EGFLAM: variants seen among roughly 807,000 people sequenced by gnomAD.
EGFLAM encodes the protein pikachurin.
In EGFLAM, 79 loss-of-function variants were observed where a neutral mutation model predicts 113.1. The observed-to-expected ratio is 0.70, with a 90% CI of 0.58 to 0.84. The LOEUF (loss-of-function observed/expected upper bound fraction) is 0.84. EGFLAM is among the 40% of genes least tolerant of loss of function. The pLI, the probability that EGFLAM is intolerant of heterozygous loss-of-function variation, is 0.00. For synonymous variants in EGFLAM, 504 were observed against 487.6 expected, an observed-to-expected ratio of 1.03 and a Z score of -0.44; for missense variants, 1,265 against 1,291.6, an observed-to-expected ratio of 0.98 and a Z score of 0.32.
At chr5:38,346,497 C>T (rs369614173) in intron 3 of EGFLAM, 79 of 152,254 alleles carry the variant, frequency 5.2e-4, no homozygotes, top group African/African-American at 1.8e-3. Context: ...ACCTACCTCA[C>T]GGAACTGAAG....
In EGFLAM at chr5:38,435,293, A is replaced by G. The variant is rs776742677; in HGVS notation, c.2283+40A>G. On this transcript the variant is annotated intron_variant, in intron 16 of 21. Transcript: ENST00000322350. ...TCCTCATGTTTACTGGGCCACCCAG[A>G]CTGTAGACAAAGAAAGTGAGGATTA... 6.3e-6 allele frequency: 9 copies of G among 1,418,776 alleles called. 1 individual carries two copies. The highest frequency in any genetic ancestry group is 5.8e-5 in the South Asian group (5 of 86,910). The allele number at this position is 1,418,776 out of a possible 1,614,324, so 87.9% of individuals were successfully genotyped here. A position where few individuals can be genotyped will look rare whatever the true frequency, so the allele number is the denominator to read the frequency against.
At chr5:38,326,505 G>T (rs1364686161) in intron 1 of EGFLAM, among the ~76,000 whole-genome samples, 2 of 147,382 alleles carry the variant, frequency 1.4e-5, no homozygotes, top group South Asian at 2.2e-4. Flanking sequence ...GTTGATAAGG[G>T]TTTTTTTTTT....
rs574761346 is a variant in EGFLAM at position 38,403,771 on chromosome 5, G to T, written c.713-2355G>T. ...AGAAAGCAAAAATACAGATAAGGGG[G>T]ACTGCTTGCTGTACAAAGATAGAGA... On this transcript the variant is annotated intron_variant, in intron 6 of 21. Coordinates refer to ENST00000322350, the MANE Select transcript of EGFLAM (RefSeq NM_152403.4). 12 of 1,596,040 alleles carry T rather than the reference G, an allele frequency of 7.5e-6. No individual in the cohort carries two copies. The South Asian group carries it at 1.3e-4, about 18-fold the overall frequency.
At position 38,437,554 on chromosome 5, in the gene EGFLAM, A is replaced by G. The variant is rs187406762; in HGVS notation, c.2284-721A>G. ...GCTGCATCTTCTGAGGTGACTCTCAAAAACTTTTTAAAGTTACTGACGACT... is the reference window on the plus strand; with the variant it reads ...GCTGCATCTTCTGAGGTGACTCTCAGAAACTTTTTAAAGTTACTGACGACT... On this transcript the variant is annotated intron_variant, in intron 16 of 21. Transcript: ENST00000322350. Among the ~76,000 whole-genome samples the G allele has an allele frequency of 2.7e-3, 417 of 152,264 alleles. 1 individual carries two copies. The highest frequency in any genetic ancestry group is 8.9e-3 in the African/African-American group (370 of 41,556).
rs775805644 is a variant in EGFLAM, at chr5:38,427,240, C to T, written c.2042C>T (p.Thr681Ile). 3.1e-6 allele frequency: 5 copies of T among 1,613,908 alleles called. No individual in the cohort carries two copies. In the African/African-American group the frequency reaches 5.3e-5, roughly 17 times the overall value. Residue 681 changes from threonine to isoleucine, a missense_variant, in exon 14 of 22, where the codon ACC (threonine) becomes ATC (isoleucine). Physicochemically the swap from Thr to Ile is moderately conservative, Grantham distance 89. Coordinates refer to ENST00000322350, the MANE Select transcript of EGFLAM (RefSeq NM_152403.4). ...VEFRFDCGSG[T>I]GVLRSEDPLT... The stretch of plus-strand genomic sequence containing the variant: ...TTCCGCTTTGACTGTGGCTCTGGGA[C>T]CGGTGTCCTCAGGTGAGGGCTGAAA...
intron 4 of EGFLAM, 68 bp downstream of exon 4, chr5:38,350,686 T>G (rs879862792): frequency 2.1e-6 from 3 of 1,430,960 alleles, no homozygotes; most frequent in Non-Finnish European, 2.9e-6. Flanking sequence ...TCAGCAAATA[T>G]CAATAGGGAC....
intron 6 of EGFLAM, among the ~76,000 whole-genome samples, chr5:38,388,716 G>A (rs1314298028): frequency 6.6e-6 from 1 of 150,564 alleles, no homozygotes; most frequent in African/African-American, 2.4e-5. Context: ...GCCGAGATTG[G>A]GCCACTACCC....
intron 5 of EGFLAM, among the ~76,000 whole-genome samples, chr5:38,361,036 T>G (rs1739907358): frequency 6.6e-6 from 1 of 150,938 alleles, no homozygotes; most frequent in Non-Finnish European, 1.5e-5. Flanking sequence ...TTTTTTTTTT[T>G]TGTATTTTTA....
intron 1 of EGFLAM, among the ~76,000 whole-genome samples, chr5:38,321,571 T>C (rs1447656558): frequency 6.6e-6 from 1 of 152,214 alleles, no homozygotes; most frequent in African/African-American, 2.4e-5. Context: ...CTGCATTGAC[T>C]GACTCTAGTA....
chr5:38,454,050 T>C (rs1192110590), intron 19 of EGFLAM, among the ~76,000 whole-genome samples: 1 of 152,212 alleles, frequency 6.6e-6, no homozygotes, highest in East Asian at 1.9e-4. Context: ...TAAGACACAC[T>C]GCTGAACCCA....
intron 16 of EGFLAM, 74 bp downstream of exon 16, chr5:38,435,327 G>GCAGTGA: frequency 9.1e-7 from 1 of 1,101,882 alleles, no homozygotes; most frequent in South Asian, 1.3e-5. Context: ...TATGATCAGT[G>GCAGTGA]TCATCTGCTG....
intron 1 of EGFLAM, among the ~76,000 whole-genome samples, chr5:38,319,687 G>T (rs544263759): frequency 6.6e-6 from 1 of 152,200 alleles, no homozygotes; most frequent in Non-Finnish European, 1.5e-5. Flanking sequence ...CATCTGGAAT[G>T]CTTGGCATTT....
Position 38,377,224 on chromosome 5 carries a change from G to A in EGFLAM, c.712+6762G>A, listed in dbSNP as rs147236613. On this transcript the variant is annotated intron_variant, in intron 6 of 21. Transcript: ENST00000322350. ...GCAACCTCAGTTCACTGCAACCTCC[G>A]CCCCCCAGGTTCAAGCGCTTCTCCT... is the stretch of plus-strand genomic sequence containing the variant. 1.4e-3 allele frequency among the ~76,000 whole-genome samples: 216 copies of A among 151,418 alleles called. 1 individual carries two copies. Among genetic ancestry groups the A allele is most frequent in the African/African-American group, 4.8e-3 (199 of 41,234 alleles).
At chr5:38,437,919 T>C (rs1328409499) in intron 16 of EGFLAM, among the ~76,000 whole-genome samples, 1 of 151,902 alleles carries the variant, frequency 6.6e-6, no homozygotes, top group Non-Finnish European at 1.5e-5. Flanking sequence ...AGGTCAGGAG[T>C]TCGAGACCAG....
intron 5 of EGFLAM, among the ~76,000 whole-genome samples, chr5:38,355,213 A>T (rs945617966): frequency 3.3e-5 from 5 of 152,210 alleles, no homozygotes; most frequent in African/African-American, 1.2e-4. Context: ...GATTCCATTG[A>T]GATCTCTCTG....
chr5:38,289,833 C>A (rs961521143), intron 1 of EGFLAM, among the ~76,000 whole-genome samples: 1 of 152,292 alleles, frequency 6.6e-6, no homozygotes, highest in South Asian at 2.1e-4. Flanking sequence ...AGGAAGGCCA[C>A]GGTAGTCTCC....
At chr5:38,427,316 A>G (rs1742048895) in intron 14 of EGFLAM, 64 bp downstream of exon 14, 2 of 1,578,474 alleles carry the variant, frequency 1.3e-6, no homozygotes, top group Non-Finnish European at 1.7e-6. Flanking sequence ...GCTTCAGAAA[A>G]AAACCAAATC....
intron 12 of EGFLAM, among the ~76,000 whole-genome samples, chr5:38,423,495 T>C (rs1448204566): frequency 2.0e-5 from 3 of 152,312 alleles, no homozygotes; most frequent in African/African-American, 7.2e-5. Flanking sequence ...GTAATCCTTT[T>C]CTGTACATCT....
At chr5:38,382,679 C>A (rs755490062) in intron 6 of EGFLAM, among the ~76,000 whole-genome samples, 23 of 152,292 alleles carry the variant, frequency 1.5e-4, no homozygotes, top group Non-Finnish European at 3.4e-4. Flanking sequence ...TTCATATATA[C>A]CTTTTGAGAT....
Sources: allele counts gnomAD v4.1 joint callset (sites outside exome capture counted in the v4.1 genomes callset), GRCh38; gene constraint gnomAD v4.1.1; transcripts MANE v1.5; gene names NCBI Gene and HGNC (gene_info 2026-07-23, HGNC 2026-07-21).